IGF1R: variants seen among roughly 807,000 people sequenced by gnomAD.
IGF1R encodes the protein insulin-like growth factor 1 receptor.
In IGF1R, 44 loss-of-function variants were observed where a neutral mutation model predicts 144.6. That is an observed-to-expected ratio of 0.30 (90% CI 0.24 to 0.39). The LOEUF (loss-of-function observed/expected upper bound fraction) is 0.39. Ranked by LOEUF, IGF1R falls within the 10% of genes least tolerant of loss-of-function variation. The pLI, the probability that IGF1R is intolerant of heterozygous loss-of-function variation, is 1.00. For missense variants in IGF1R, 1,355 were observed against 1,833.7 expected (o/e 0.74, Z 4.77); for synonymous variants, 795 against 722.8 (o/e 1.10, Z -1.60).
chr15:98,942,834 C>A, intron 18 of IGF1R, 89 bp from the exon 19 acceptor site: 4 of 1,560,952 alleles, frequency 2.6e-6, no homozygotes, highest in African/African-American at 1.4e-5. Flanking sequence ...CCTTGCGTCT[C>A]TCCACACATA....
rs1465424893 is a variant in IGF1R, at chr15:98,939,216, G to A, written c.3313G>A (p.Ala1105Thr). 1.2e-6 allele frequency: 2 copies of A among 1,613,826 alleles called. No individual in the cohort carries two copies. Among genetic ancestry groups the A allele is most frequent in the African/African-American group, 1.3e-5 (1 of 74,890 alleles). ...RPEMENNPVL[A>T]PPSLSKMIQM... Reference sequence around the variant, plus strand: ...TCTCCAACAGAATAATCCAGTCCTAGCACCTCCAAGCCTGAGCAAGATGAT... The same window carrying A: ...TCTCCAACAGAATAATCCAGTCCTAACACCTCCAAGCCTGAGCAAGATGAT... Residue 1105 changes from alanine to threonine, a missense_variant, in exon 18 of 21, where the codon GCA becomes ACA. Ala to Thr is a moderately conservative substitution (Grantham distance 58). This residue lies in a region of IGF1R where 45 missense variants were observed against 43.5 expected (regional missense o/e 1.03). Transcript: ENST00000650285.
Position 98,686,809 on chromosome 15 carries a change from T to C in IGF1R, c.95-20753T>C, listed in dbSNP as rs527720503. The stretch of plus-strand genomic sequence containing the variant: ...CCTACGCTTCCTCAATAGATGGGAC[T>C]ATGTTCCTGCGCCATCACTCCTGGT... On this transcript the variant is annotated intron_variant, in intron 1 of 20. Transcript: ENST00000650285. Among the ~76,000 whole-genome samples the C allele has an allele frequency of 1.8e-4, 27 of 152,256 alleles. No homozygotes were observed. In the South Asian group the frequency reaches 5.4e-3, roughly 30 times the overall value.
intron 11 of IGF1R, chr15:98,923,639 G>A (rs570030964): frequency 5.6e-6 from 3 of 539,672 alleles, no homozygotes; most frequent in East Asian, 3.1e-5. Context: ...AGACGTGCAA[G>A]TTTTGTGGTT....
intron 2 of IGF1R, among the ~76,000 whole-genome samples, chr15:98,778,357 C>G (rs886608127): frequency 6.6e-6 from 1 of 152,196 alleles, no homozygotes; most frequent in East Asian, 1.9e-4. Context: ...TTCGTTCTCA[C>G]AATCCTTGAC....
At position 98,962,092 on chromosome 15, in the gene IGF1R, GGCTT is replaced by G. The variant is rs1407304745; in HGVS notation, c.*4653_*4656del. On this transcript the variant is annotated 3_prime_UTR_variant, in exon 21 of 21. Coordinates refer to ENST00000650285, the MANE Select transcript of IGF1R (RefSeq NM_000875.5). ...CACCTCTGCAGGCTGGCAGCCGAAT[GGCTT>G]GCCAGTGGCTCTGTGGCAAGATCAC... The G allele has an allele frequency of 4.3e-6, 1 of 233,196 alleles. No homozygotes were observed. The highest frequency in any genetic ancestry group is 8.5e-6 in the Non-Finnish European group (1 of 118,068). 14.4% of individuals were successfully genotyped at this position (233,196 alleles called of 1,614,324 possible).
chr15:98,817,263 C>G (rs1203842961), intron 2 of IGF1R, among the ~76,000 whole-genome samples: 2 of 151,810 alleles, frequency 1.3e-5, no homozygotes, highest in Non-Finnish European at 2.9e-5. Flanking sequence ...GATCATGCCA[C>G]TGCACTCCAG....
At chr15:98,869,941 G>A (rs1567170369) in intron 2 of IGF1R, among the ~76,000 whole-genome samples, 1 of 152,188 alleles carries the variant, frequency 6.6e-6, no homozygotes, top group Non-Finnish European at 1.5e-5. Flanking sequence ...AAGGAATGGT[G>A]TCCCGCAAGG....
At chr15:98,872,477 G>A (rs1477681815) in intron 2 of IGF1R, among the ~76,000 whole-genome samples, 1 of 152,170 alleles carries the variant, frequency 6.6e-6, no homozygotes, top group Non-Finnish European at 1.5e-5. Flanking sequence ...CAGCTGAGCA[G>A]GCAGAATTAG....
At chr15:98,845,940 C>T (rs751829123) in intron 2 of IGF1R, among the ~76,000 whole-genome samples, 1 of 152,176 alleles carries the variant, frequency 6.6e-6, no homozygotes, top group Non-Finnish European at 1.5e-5. Flanking sequence ...CTGATCAAGG[C>T]TCTGCATTTG....
intron 7 of IGF1R, among the ~76,000 whole-genome samples, chr15:98,912,581 A>C (rs904554905): frequency 6.6e-6 from 1 of 152,222 alleles, no homozygotes; most frequent in African/African-American, 2.4e-5. Flanking sequence ...AAATATTTGA[A>C]TATTATAAGA....
intron 2 of IGF1R, among the ~76,000 whole-genome samples, chr15:98,726,463 G>A (rs1398479149): frequency 6.6e-6 from 1 of 152,136 alleles, no homozygotes; most frequent in Non-Finnish European, 1.5e-5. Flanking sequence ...GTCCACATCT[G>A]CCTAGTTCTT....
chr15:98,740,327 G>A (rs1333598589), intron 2 of IGF1R, among the ~76,000 whole-genome samples: 1 of 152,114 alleles, frequency 6.6e-6, no homozygotes, highest in Non-Finnish European at 1.5e-5. Flanking sequence ...AGAATATCAT[G>A]GCCATTCTCT....
chr15:98,944,671 A>G (rs187125314), intron 19 of IGF1R, among the ~76,000 whole-genome samples: 86 of 152,378 alleles, frequency 5.6e-4, no homozygotes, highest in African/African-American at 2.0e-3. Context: ...GCTTTGTAGA[A>G]GAGACCCCAG....
At chr15:98,765,670 A>G (rs995290822) in intron 2 of IGF1R, among the ~76,000 whole-genome samples, 1 of 152,106 alleles carries the variant, frequency 6.6e-6, no homozygotes, top group African/African-American at 2.4e-5. Flanking sequence ...ACATCCCAAT[A>G]ATAGAAGTGA....
In IGF1R at chr15:98,959,042, A is replaced by G. The variant is rs181790105; in HGVS notation, c.*1600A>G. 2.4e-4 allele frequency: 55 copies of G among 233,302 alleles called. No homozygotes were observed. In the East Asian group the frequency reaches 3.3e-3, roughly 14 times the overall value. 14.5% of individuals were successfully genotyped at this position (233,302 alleles called of 1,614,324 possible). A position where few individuals can be genotyped will look rare whatever the true frequency, so the allele number is the denominator to read the frequency against. On this transcript the variant is annotated 3_prime_UTR_variant, in exon 21 of 21. Coordinates refer to ENST00000650285, the MANE Select transcript of IGF1R (RefSeq NM_000875.5). The stretch of plus-strand genomic sequence containing the variant: ...CCTCTCCCCAGCCTGCCCTCACAGC[A>G]TTGGAGCCTGTTACAGTGCAAGACA...
At chr15:98,834,927 A>G (rs1422084772) in intron 2 of IGF1R, among the ~76,000 whole-genome samples, 4 of 152,180 alleles carry the variant, frequency 2.6e-5, no homozygotes, top group African/African-American at 9.7e-5. Context: ...TTGTGGGTCC[A>G]GGGCACGCCC....
chr15:98,816,226 C>A (rs548542306), intron 2 of IGF1R, among the ~76,000 whole-genome samples: 73 of 152,326 alleles, frequency 4.8e-4, no homozygotes, highest in Middle Eastern at 3.4e-3. Context: ...GCCAGCTTTG[C>A]CTCATCAGGC....
chr15:98,719,322 C>T (rs552471253), intron 2 of IGF1R, among the ~76,000 whole-genome samples: 4 of 151,968 alleles, frequency 2.6e-5, no homozygotes, highest in Non-Finnish European at 5.9e-5. Flanking sequence ...GTTGGGTCTC[C>T]TGCCCTTCCT....
At chr15:98,853,802 G>T (rs1336076764) in intron 2 of IGF1R, among the ~76,000 whole-genome samples, 5 of 152,362 alleles carry the variant, frequency 3.3e-5, no homozygotes, top group Admixed American at 3.3e-4. Flanking sequence ...GGGGCACTTG[G>T]GGAGAAGTGC....
Sources: gnomAD v4.1 joint callset for allele counts (sites outside exome capture counted in the v4.1 genomes callset) on GRCh38, gnomAD v4.1.1 for gene constraint, gnomAD v4.1.1 regional missense constraint, MANE v1.5 for transcripts, NCBI Gene and HGNC (gene_info 2026-07-23, HGNC 2026-07-21) for gene names.